Variants in BUB1 observed in about 807,000 individuals in gnomAD.
The protein encoded by BUB1 is BUB1 mitotic checkpoint serine/threonine kinase.
A neutral mutation model predicts 135.2 loss-of-function variants in BUB1; 84 were observed. The observed-to-expected ratio is 0.62, with a 90% confidence interval of 0.52 to 0.74. The LOEUF (loss-of-function observed/expected upper bound fraction) is 0.74, where lower values mean the gene tolerates loss of function less well. BUB1 is among the 30% of genes least tolerant of loss of function. The pLI is 0.00. For missense variants in BUB1, 1,162 were observed against 1,288.3 expected (o/e 0.90, Z 1.50); for synonymous variants, 403 against 434.4 (o/e 0.93, Z 0.90).
chr2:110,644,484 A>G, intron 19 of BUB1, among the ~76,000 whole-genome samples: 1 of 151,842 alleles, frequency 6.6e-6, no homozygotes, highest in Non-Finnish European at 1.5e-5. Context: ...GTCTCAAAAA[A>G]AAAAAAAAAA....
intron 17 of BUB1, among the ~76,000 whole-genome samples, chr2:110,651,468 T>A (rs532310637): frequency 1.3e-5 from 2 of 152,234 alleles, no homozygotes; most frequent in Non-Finnish European, 2.9e-5. Flanking sequence ...GTGTTTGTTT[T>A]TTAAGCTAAG....
chr2:110,665,446 TGG>T (rs1648012373), intron 9 of BUB1, among the ~76,000 whole-genome samples: 1 of 151,938 alleles, frequency 6.6e-6, no homozygotes, highest in African/African-American at 2.4e-5. Flanking sequence ...GTGGGTGTGG[TGG>T]CACATGCCTG....
At chr2:110,657,758 A>C (rs1380864660) in intron 13 of BUB1, 113 bp from the exon 14 acceptor site, 5 of 713,690 alleles carry the variant, frequency 7.0e-6, no homozygotes, top group Non-Finnish European at 1.1e-5. Flanking sequence ...AAAAGAACTA[A>C]TATCAGCTTT....
chr2:110,657,891 C>T (rs932075649), intron 13 of BUB1, among the ~76,000 whole-genome samples: 1 of 152,216 alleles, frequency 6.6e-6, no homozygotes, highest in Admixed American at 6.5e-5. Flanking sequence ...TAATCATTCT[C>T]CTAAATCAGT....
chr2:110,656,886 T>C, intron 15 of BUB1, 150 bp downstream of exon 15: 1 of 478,966 alleles, frequency 2.1e-6, no homozygotes, highest in East Asian at 3.3e-5. Flanking sequence ...AATTATTAAA[T>C]AATGTCCTAA....
Position 110,661,852 on chromosome 2 carries a change from A to G in BUB1, c.958-11T>C. The stretch of plus-strand genomic sequence containing the variant: ...ACGTGCTGGATTAACCTTTCATATT[A>G]AACAAACAAACAACAAAAACAAAAC... On this transcript the variant is annotated splice_polypyrimidine_tract_variant and intron_variant, in intron 9 of 24. Transcript: ENST00000302759. 1 of 1,609,770 alleles carries G rather than the reference A, an allele frequency of 6.2e-7. No homozygotes were observed. The highest frequency in any genetic ancestry group is 8.5e-7 in the Non-Finnish European group (1 of 1,177,724).
At chr2:110,640,414 G>A (rs904615724) in intron 23 of BUB1, among the ~76,000 whole-genome samples, 1 of 151,930 alleles carries the variant, frequency 6.6e-6, no homozygotes, top group Non-Finnish European at 1.5e-5. Flanking sequence ...GAACTTGGCA[G>A]TTGGTTTTGT....
chr2:110,641,911 AGCTATGAACTGTTGCT>A, intron 20 of BUB1, 108 bp from the exon 21 acceptor site: 1 of 1,254,806 alleles, frequency 8.0e-7, no homozygotes, highest in South Asian at 1.5e-5. Flanking sequence ...AGTGATGACA[AGCTATGAACTGTTGCT>A]GCAATGTGGG....
At chr2:110,667,064 A>C (rs1161208105) in intron 8 of BUB1, among the ~76,000 whole-genome samples, 1 of 152,254 alleles carries the variant, frequency 6.6e-6, no homozygotes, top group Non-Finnish European at 1.5e-5. Flanking sequence ...CTATAGCCCA[A>C]ATAACTTAGA....
At chr2:110,647,935 T>C (rs67862961) in intron 19 of BUB1, among the ~76,000 whole-genome samples, 21,250 of 152,184 alleles carry the variant, frequency 0.14, 3,228 homozygotes, top group African/African-American at 0.38. Context: ...CAGGAATTCT[T>C]ATTCACTGTT....
At chr2:110,661,340 T>G in intron 10 of BUB1, 1 of 484,186 alleles carries the variant, frequency 2.1e-6, no homozygotes. Flanking sequence ...GACTTTCAGG[T>G]ACTGAAAATT....
At chr2:110,654,676 G>T (rs2104532539) in intron 16 of BUB1, among the ~76,000 whole-genome samples, 1 of 147,468 alleles carries the variant, frequency 6.8e-6, no homozygotes, top group South Asian at 2.1e-4. Flanking sequence ...TTGTGATGGT[G>T]CTTGGCAATT....
intron 23 of BUB1, among the ~76,000 whole-genome samples, chr2:110,640,271 C>T (rs904443250): frequency 3.3e-5 from 5 of 152,160 alleles, no homozygotes; most frequent in Admixed American, 6.5e-5. Context: ...TCCACATCCA[C>T]AGGATAGAAG....
At chr2:110,671,896 G>T (rs983754772) in intron 4 of BUB1, among the ~76,000 whole-genome samples, 21 of 152,118 alleles carry the variant, frequency 1.4e-4, no homozygotes, top group Non-Finnish European at 2.1e-4. Flanking sequence ...CATAGAAAAA[G>T]TTTTAAAAAT....
Position 110,642,336 on chromosome 2 carries a change from C to T in BUB1, c.2348-102G>A, listed in dbSNP as rs1559163721. Reference sequence around the variant, plus strand: ...AAGACATAGAGTTTTCTGTATACTTCGCATCCACTGTCTGCAGTTGTTAAC... The same window carrying T: ...AAGACATAGAGTTTTCTGTATACTTTGCATCCACTGTCTGCAGTTGTTAAC... On this transcript the variant is annotated intron_variant, in intron 19 of 24. Coordinates refer to ENST00000302759, the MANE Select transcript of BUB1 (RefSeq NM_004336.5). 7 of 677,716 alleles carry T rather than the reference C, an allele frequency of 1.0e-5. No individual in the cohort carries two copies. In the East Asian group the frequency reaches 2.1e-4, roughly 20 times the overall value. The allele number at this position is 677,716 out of a possible 1,614,324, so 42.0% of individuals were successfully genotyped here. A position where few individuals can be genotyped will look rare whatever the true frequency, so the allele number is the denominator to read the frequency against.
rs75153987 is a variant in BUB1 at position 110,655,928 on chromosome 2, G to A, written c.1699-12C>T. ...TGAGGCACTTCCTCCTATAACAGAA[G>A]ATGAAATGAAAAAAAAGCAGCAATC... is the stretch of plus-strand genomic sequence containing the variant. On this transcript the variant is annotated splice_polypyrimidine_tract_variant and intron_variant, in intron 15 of 24. Coordinates refer to ENST00000302759, the MANE Select transcript of BUB1 (RefSeq NM_004336.5). The A allele has an allele frequency of 0.028, 44,333 of 1,604,228 alleles. 727 individuals carry two copies. The highest frequency in any genetic ancestry group is 0.032 in the Non-Finnish European group (37,372 of 1,174,660).
rs539583215 is a variant in BUB1 at position 110,653,829 on chromosome 2, C to A, written c.1877-306G>T. Among the ~76,000 whole-genome samples, 7 of 152,016 alleles carry A rather than the reference C, an allele frequency of 4.6e-5. No individual in the cohort carries two copies. In the East Asian group the frequency reaches 9.7e-4, roughly 21 times the overall value. On this transcript the variant is annotated intron_variant, in intron 16 of 24. Coordinates refer to ENST00000302759, the MANE Select transcript of BUB1 (RefSeq NM_004336.5). ...GGCAAGGCTGAGCAACATAGTGAGA[C>A]CCTATCCCTAAAATAACTTTTTAAA...
At chr2:110,665,891 C>T (rs2104549855) in intron 9 of BUB1, 1 of 160,226 alleles carries the variant, frequency 6.2e-6, no homozygotes, top group East Asian at 1.8e-4. Flanking sequence ...CTCATCACTT[C>T]TCTGCTTTTC....
At position 110,648,038 on chromosome 2, in the gene BUB1, A is replaced by T. The variant is rs1689689680; in HGVS notation, c.2347+1196T>A. ...TAACCCTGCAATTACACTCCTTGGT[A>T]TTTACCCAAATTATGAGTTGAAAAC... On this transcript the variant is annotated intron_variant, in intron 19 of 24. Coordinates refer to ENST00000302759, the MANE Select transcript of BUB1 (RefSeq NM_004336.5). The surrounding 1 kb of genome is among the most constrained non-coding windows in gnomAD (Gnocchi z 4.2). Among the ~76,000 whole-genome samples, 1 of 152,170 alleles carries T rather than the reference A, an allele frequency of 6.6e-6. No homozygotes were observed. Among genetic ancestry groups the T allele is most frequent in the African/African-American group, 2.4e-5 (1 of 41,446 alleles).
Sources: gnomAD v4.1 joint callset for allele counts (sites outside exome capture counted in the v4.1 genomes callset) on GRCh38, gnomAD v4.1.1 for gene constraint, Gnocchi (gnomAD v3.1) non-coding constraint, MANE v1.5 for transcripts, NCBI Gene and HGNC (gene_info 2026-07-23, HGNC 2026-07-21) for gene names.